The following NR6A1 variants were observed in gnomAD, a reference collection of about 807,000 sequenced individuals.
NR6A1 encodes nuclear receptor subfamily 6 group A member 1.
A neutral mutation model predicts 59.1 loss-of-function variants in NR6A1; 7 were observed. The ratio of observed to expected loss-of-function variants is 0.12; its 90% CI spans 0.07 to 0.22. The LOEUF (loss-of-function observed/expected upper bound fraction) is 0.22, where lower values mean the gene tolerates loss of function less well. Ranked by LOEUF, NR6A1 falls within the 10% of genes least tolerant of loss-of-function variation. The probability of loss-of-function intolerance (pLI) is 1.00; values close to 1 mark genes in which losing one functional copy is unlikely to be tolerated. For synonymous variants in NR6A1, 243 were observed against 236.1 expected (o/e 1.03, Z -0.27); for missense variants, 468 against 611.6 (o/e 0.77, Z 2.48).
chr9:124,664,849 ATAACCAT>A lies in NR6A1; in HGVS notation c.142+68452_142+68458del, dbSNP rs769014746. ...TGGAGCTAACAAGCTATAAACTGGG[ATAACCAT>A]GGGCCAGAAGCCCTATCATTCAAGA... On this transcript the variant is annotated intron_variant, in intron 2 of 9. Transcript: ENST00000487099. Among the ~76,000 whole-genome samples the A allele has an allele frequency of 2.0e-4, 30 of 151,988 alleles. 1 individual carries two copies. The highest frequency in any genetic ancestry group is 3.8e-4 in the Non-Finnish European group (26 of 68,004).
intron 2 of NR6A1, among the ~76,000 whole-genome samples, chr9:124,618,782 C>T (rs1835974803): frequency 6.6e-6 from 1 of 152,188 alleles, no homozygotes; most frequent in South Asian, 2.1e-4. Context: ...CTCCCTGGAA[C>T]ATTTATATGA....
intron 1 of NR6A1, among the ~76,000 whole-genome samples, chr9:124,738,161 A>G (rs1387812542): frequency 6.6e-6 from 1 of 151,846 alleles, no homozygotes; most frequent in Non-Finnish European, 1.5e-5. Context: ...GGCTGAGGCA[A>G]GAGAATAGCT....
chr9:124,678,950 T>C (rs147785631), intron 2 of NR6A1, among the ~76,000 whole-genome samples: 311 of 152,204 alleles, frequency 2.0e-3, no homozygotes, highest in Non-Finnish European at 3.9e-3. Context: ...CCCCGGTGGT[T>C]CGTGCCTATA....
At chr9:124,566,748 G>A (rs915556406) in intron 2 of NR6A1, among the ~76,000 whole-genome samples, 6 of 152,192 alleles carry the variant, frequency 3.9e-5, no homozygotes, top group Admixed American at 2.6e-4. Context: ...TGTGAGAAAT[G>A]AGGCAACACT....
At chr9:124,598,957 C>G in intron 2 of NR6A1, 1 of 713,094 alleles carries the variant, frequency 1.4e-6, no homozygotes, top group Non-Finnish European at 2.6e-6. Flanking sequence ...GGTCATTACC[C>G]ACGTTGGGTT....
intron 2 of NR6A1, among the ~76,000 whole-genome samples, chr9:124,696,310 T>C (rs1838758522): frequency 6.6e-6 from 1 of 151,912 alleles, no homozygotes; most frequent in Non-Finnish European, 1.5e-5. Flanking sequence ...TTAGCAGGGG[T>C]AGAACTGAGT....
chr9:124,538,085 C>T lies in NR6A1; in HGVS notation c.824+7G>A. On this transcript the variant is annotated splice_region_variant and intron_variant, in intron 6 of 9. Transcript: ENST00000487099. ...GCAAGGGGCCAAGAAGGGCGGAGCTCACTCACCCATCTTCAATCAACATGG... is the reference window on the plus strand; with the variant it reads ...GCAAGGGGCCAAGAAGGGCGGAGCTTACTCACCCATCTTCAATCAACATGG... 6.3e-7 allele frequency: 1 copy of T among 1,598,092 alleles called. No homozygotes were observed.
chr9:124,685,264 C>T (rs114549419), intron 2 of NR6A1, among the ~76,000 whole-genome samples: 185 of 152,312 alleles, frequency 1.2e-3, no homozygotes, highest in African/African-American at 4.0e-3. Context: ...TTTACTAAGT[C>T]TGGGATGATG....
At position 124,543,846 on chromosome 9, in the gene NR6A1, C is replaced by A; in HGVS notation, c.397G>T (p.Asp133Tyr). Residue 133 changes from aspartate to tyrosine, a missense_variant, in exon 4 of 10, where the codon GAT (aspartate) becomes TAT (tyrosine). Asp to Tyr is a radical substitution (Grantham distance 160). Coordinates refer to ENST00000487099, the MANE Select transcript of NR6A1 (RefSeq NM_033334.4). ...MGMNRKAIRE[D>Y]GMPGGRNKSI... ...TTATTCCGGCCTCCAGGCATGCCAT[C>A]TTCTCTGATAGCTGGAAGGAAAGAT... 1 of 1,613,722 alleles carries A rather than the reference C, an allele frequency of 6.2e-7. No individual in the cohort carries two copies. The highest frequency in any genetic ancestry group is 8.5e-7 in the Non-Finnish European group (1 of 1,179,870).
intron 2 of NR6A1, among the ~76,000 whole-genome samples, chr9:124,633,402 C>CAAAAAA (rs11337023): frequency 5.5e-5 from 4 of 72,758 alleles, no homozygotes; most frequent in East Asian, 3.8e-4. Context: ...AACTCCGTCT[C>CAAAAAA]AAAAAAAAAA....
At chr9:124,532,045 C>T (rs1833115930) in intron 7 of NR6A1, among the ~76,000 whole-genome samples, 1 of 152,174 alleles carries the variant, frequency 6.6e-6, no homozygotes, top group South Asian at 2.1e-4. Flanking sequence ...AAAAACTTCC[C>T]AAGACTTAAT....
At chr9:124,737,953 C>A (rs2131139977) in intron 1 of NR6A1, among the ~76,000 whole-genome samples, 1 of 152,242 alleles carries the variant, frequency 6.6e-6, no homozygotes, top group South Asian at 2.1e-4. Flanking sequence ...AACGCCATCT[C>A]TACTAGAAAT....
At chr9:124,657,222 T>A (rs1837286371) in intron 2 of NR6A1, among the ~76,000 whole-genome samples, 1 of 152,176 alleles carries the variant, frequency 6.6e-6, no homozygotes, top group Admixed American at 6.5e-5. Context: ...AATTCTGGGG[T>A]AGTCCTCATA....
At chr9:124,561,351 T>A (rs1396445597) in intron 2 of NR6A1, among the ~76,000 whole-genome samples, 2 of 151,988 alleles carry the variant, frequency 1.3e-5, no homozygotes. Context: ...GGTAGGAGTA[T>A]CACCTGAGCC....
chr9:124,677,683 A>T (rs1441808269), intron 2 of NR6A1, among the ~76,000 whole-genome samples: 4 of 152,140 alleles, frequency 2.6e-5, no homozygotes, highest in Admixed American at 2.6e-4. Context: ...ATGAGCACAC[A>T]TTTATTGCAG....
intron 2 of NR6A1, chr9:124,595,690 C>T (rs1835252329): frequency 1.1e-6 from 1 of 884,690 alleles, no homozygotes; most frequent in Non-Finnish European, 1.6e-6. Flanking sequence ...AGGCTATTTG[C>T]TCTAAACCTT....
At chr9:124,746,406 C>T (rs768789885) in intron 1 of NR6A1, among the ~76,000 whole-genome samples, 12 of 151,998 alleles carry the variant, frequency 7.9e-5, no homozygotes, top group African/African-American at 2.7e-4. Context: ...CTGGTCACCA[C>T]GGTGAAACCC....
intron 9 of NR6A1, among the ~76,000 whole-genome samples, chr9:124,523,552 G>A (rs771592093): frequency 1.3e-5 from 2 of 151,032 alleles, no homozygotes; most frequent in African/African-American, 2.4e-5. Flanking sequence ...CCAGGTGATT[G>A]GAAGTGCCGC....
At chr9:124,738,705 C>T (rs1811294267) in intron 1 of NR6A1, among the ~76,000 whole-genome samples, 1 of 151,974 alleles carries the variant, frequency 6.6e-6, no homozygotes, top group East Asian at 1.9e-4. Context: ...CCCATCCCTA[C>T]TAAAAATACA....
Sources: gnomAD v4.1 joint callset for allele counts (sites outside exome capture counted in the v4.1 genomes callset) on GRCh38, gnomAD v4.1.1 for gene constraint, MANE v1.5 for transcripts, NCBI Gene and HGNC (gene_info 2026-07-23, HGNC 2026-07-21) for gene names.